The following LMO7 variants were observed in gnomAD, a reference collection of about 807,000 sequenced individuals.
The protein encoded by LMO7 is LIM domain 7.
Under a neutral mutation model 206.5 loss-of-function variants are expected in LMO7, and 120 were observed. That is an observed-to-expected ratio of 0.58 (90% CI 0.50 to 0.68). The LOEUF (loss-of-function observed/expected upper bound fraction) is 0.68, where lower values mean the gene tolerates loss of function less well. Among genes scored for constraint, LMO7 ranks in the 30% least tolerant of loss-of-function variants. The probability of loss-of-function intolerance (pLI) is 0.00; values close to 1 mark genes in which losing one functional copy is unlikely to be tolerated. For missense variants in LMO7, 1,959 were observed against 1,957.9 expected (o/e 1.00, Z -0.01); for synonymous variants, 706 against 681.5 (o/e 1.04, Z -0.56).
At chr13:75,769,175 A>T (rs1218921154) in intron 4 of LMO7, among the ~76,000 whole-genome samples, 1 of 152,036 alleles carries the variant, frequency 6.6e-6, no homozygotes, top group Admixed American at 6.6e-5. Context: ...AATGTTGTTT[A>T]TTGGCTGTTT....
intron 4 of LMO7, among the ~76,000 whole-genome samples, chr13:75,783,552 A>C (rs1176392756): frequency 1.3e-5 from 2 of 152,086 alleles, no homozygotes; most frequent in East Asian, 1.9e-4. Flanking sequence ...GGAACTCCTG[A>C]CCTCAAGTGA....
At chr13:75,626,595 A>ATATATTTTTTTTTTTTTTT in intron 2 of LMO7, among the ~76,000 whole-genome samples, 9 of 71,168 alleles carry the variant, frequency 1.3e-4, no homozygotes, top group Non-Finnish European at 2.2e-4. Context: ...ATATATATAA[A>ATATATTTTTTTTTTTTTTT]TTTTTTTGAG....
Position 75,819,338 on chromosome 13 carries a change from A to G in LMO7, c.2065-55A>G, listed in dbSNP as rs924719515. On this transcript the variant is annotated intron_variant, in intron 12 of 30. Transcript: ENST00000377534. The stretch of plus-strand genomic sequence containing the variant: ...GATACTCTGGCACATTCTGTCTGCT[A>G]GAAAGGGTGTATAGAAATTCAGGTG... 88 of 1,515,678 alleles carry G rather than the reference A, an allele frequency of 5.8e-5. No individual in the cohort carries two copies. The African/African-American group carries it at 9.7e-4, about 17-fold the overall frequency. The allele number at this position is 1,515,678 out of a possible 1,614,324, so 93.9% of individuals were successfully genotyped here. A position where few individuals can be genotyped will look rare whatever the true frequency, so the allele number is the denominator to read the frequency against.
Position 75,817,221 on chromosome 13 carries a change from C to T in LMO7, c.2007C>T (p.Tyr669=), listed in dbSNP as rs1278048621. ...TTCAAAACTTGCGTCAGCTGCGTTA[C>T]GAGGAGATGCAGAAAATAAAATCAC... The part of the protein sequence containing the change: ...EDVQNLRQLR[Y]EEMQKIKSQL... Residue 669 remains tyrosine (Y), a synonymous_variant, in exon 12 of 31, where the codon TAC becomes TAT. Coordinates refer to ENST00000377534, the MANE Select transcript of LMO7 (RefSeq NM_001306080.2). The T allele has an allele frequency of 6.8e-6, 11 of 1,613,454 alleles. No homozygotes were observed. Among genetic ancestry groups the T allele is most frequent in the African/African-American group, 1.3e-5 (1 of 74,856 alleles).
intron 4 of LMO7, among the ~76,000 whole-genome samples, chr13:75,767,413 G>T (rs1243274089): frequency 6.6e-6 from 1 of 151,966 alleles, no homozygotes; most frequent in Non-Finnish European, 1.5e-5. Context: ...TTAAAAGCAG[G>T]AACCCATTGG....
At chr13:75,835,368 G>C in intron 18 of LMO7, 29 bp downstream of exon 18, 1 of 1,442,808 alleles carries the variant, frequency 6.9e-7, no homozygotes, top group Non-Finnish European at 9.4e-7. Context: ...AGGAAGTACT[G>C]GTGTGGAGTA....
intron 1 of LMO7, among the ~76,000 whole-genome samples, chr13:75,701,522 C>A (rs142316111): frequency 6.6e-6 from 1 of 152,064 alleles, no homozygotes. Context: ...CAAAAAATGA[C>A]GCCATCTTTT....
chr13:75,713,411 G>A (rs530442402), intron 2 of LMO7, among the ~76,000 whole-genome samples, 159 bp downstream of exon 2: 1 of 152,270 alleles, frequency 6.6e-6, no homozygotes, highest in South Asian at 2.1e-4. Flanking sequence ...CTCACAATAC[G>A]AGACAGTAGG....
intron 25 of LMO7, among the ~76,000 whole-genome samples, chr13:75,844,207 G>A (rs984009222): frequency 6.6e-6 from 1 of 151,970 alleles, no homozygotes; most frequent in East Asian, 1.9e-4. Context: ...CTAGACATCT[G>A]GTAATAAGTG....
intron 1 of LMO7, among the ~76,000 whole-genome samples, chr13:75,691,864 A>C (rs544974312): frequency 1.8e-4 from 28 of 151,694 alleles, no homozygotes; most frequent in African/African-American, 6.5e-4. Flanking sequence ...CCCCACCCTA[A>C]CCCTGCCATC....
chr13:75,806,292 C>T lies in LMO7; in HGVS notation c.1196+532C>T, dbSNP rs972349848. ...CCTGTCTGCATGAGCCTGCCTGCTG[C>T]GGGTCTGGCCTCAGACAACCCTCTG... On this transcript the variant is annotated intron_variant, in intron 9 of 30. Transcript: ENST00000377534. 2.2e-5 allele frequency: 21 copies of T among 972,060 alleles called. No homozygotes were observed. The Admixed American group carries it at 4.8e-4, about 22-fold the overall frequency. 60.2% of individuals were successfully genotyped at this position (972,060 alleles called of 1,614,324 possible). A position where few individuals can be genotyped will look rare whatever the true frequency, so the allele number is the denominator to read the frequency against.
At chr13:75,636,808 ACT>A in intron 1 of LMO7, 82 bp downstream of exon 1, 1 of 1,369,720 alleles carries the variant, frequency 7.3e-7, no homozygotes, top group African/African-American at 1.4e-5. Flanking sequence ...AGCCCCAGTC[ACT>A]CTGCACTTTA....
At position 75,796,616 on chromosome 13, in the gene LMO7, T is replaced by G; in HGVS notation, c.349-20T>G. 1 of 1,464,184 alleles carries G rather than the reference T, an allele frequency of 6.8e-7. No individual in the cohort carries two copies. The highest frequency in any genetic ancestry group is 9.4e-7 in the Non-Finnish European group (1 of 1,060,066). The allele number at this position is 1,464,184 out of a possible 1,614,324, so 90.7% of individuals were successfully genotyped here. ...GCTAATCGACTGATCTTGTTGTTCA[T>G]GGATTTTTTTTTTTTTAAGGTTTTG... is the stretch of plus-strand genomic sequence containing the variant. On this transcript the variant is annotated intron_variant, in intron 5 of 30. Coordinates refer to ENST00000377534, the MANE Select transcript of LMO7 (RefSeq NM_001306080.2).
chr13:75,661,948 T>C (rs1451821812), intron 1 of LMO7, among the ~76,000 whole-genome samples: 2 of 152,228 alleles, frequency 1.3e-5, no homozygotes, highest in Non-Finnish European at 2.9e-5. Flanking sequence ...AAGTGTTTTG[T>C]ATGTGGAATT....
intron 5 of LMO7, 136 bp from the exon 6 acceptor site, chr13:75,796,500 A>G: frequency 1.7e-6 from 1 of 594,776 alleles, no homozygotes; most frequent in Non-Finnish European, 3.0e-6. Context: ...CTTTCCCATA[A>G]ACTTAAAAGA....
chr13:75,705,555 ATAACT>A (rs1482157525), intron 1 of LMO7, among the ~76,000 whole-genome samples: 5 of 152,320 alleles, frequency 3.3e-5, no homozygotes, highest in East Asian at 3.9e-4. Context: ...TTGACTTTTG[ATAACT>A]TAAGTGGGAA....
At chr13:75,776,612 G>T (rs1395730649) in intron 4 of LMO7, among the ~76,000 whole-genome samples, 1 of 152,114 alleles carries the variant, frequency 6.6e-6, no homozygotes, top group Non-Finnish European at 1.5e-5. Context: ...ATTGACATAG[G>T]TTAGGAGGAG....
intron 1 of LMO7, among the ~76,000 whole-genome samples, chr13:75,675,888 G>GCACA (rs3036374): frequency 0.018 from 2,659 of 150,742 alleles, 40 homozygotes; most frequent in East Asian, 0.053. Context: ...GCACGAGCGT[G>GCACA]CACACACACA....
intron 4 of LMO7, among the ~76,000 whole-genome samples, chr13:75,763,980 G>A (rs1365471871): frequency 1.3e-5 from 2 of 152,280 alleles, no homozygotes; most frequent in Admixed American, 6.5e-5. Flanking sequence ...CAGAGCTAGA[G>A]TATTCTTTAT....
Sources: gnomAD v4.1 joint callset for allele counts (sites outside exome capture counted in the v4.1 genomes callset) on GRCh38, gnomAD v4.1.1 for gene constraint, MANE v1.5 for transcripts, NCBI Gene and HGNC (gene_info 2026-07-23, HGNC 2026-07-21) for gene names.